RAB7A: variants seen among roughly 807,000 people sequenced by gnomAD.
The protein encoded by RAB7A is ras-related protein Rab-7a.
Under a neutral mutation model 24.5 loss-of-function variants are expected in RAB7A, and 2 were observed. The ratio of observed to expected loss-of-function variants is 0.08; its 90% CI spans 0.03 to 0.26. The LOEUF (loss-of-function observed/expected upper bound fraction) is 0.26. Among genes scored for constraint, RAB7A ranks in the 10% least tolerant of loss-of-function variants. RAB7A has a pLI of 1.00. For missense variants in RAB7A, 118 were observed against 255.7 expected (o/e 0.46, Z 3.67); for synonymous variants, 100 against 95.9 (o/e 1.04, Z -0.25).
intron 1 of RAB7A, chr3:128,785,036 C>G (rs1001916947): frequency 1.3e-5 from 2 of 151,928 alleles, no homozygotes; most frequent in Admixed American, 6.6e-5. Context: ...ACTTCTACCC[C>G]CCAGGTTCTA....
chr3:128,734,381 G>T (rs565331752), intron 1 of RAB7A, among the ~76,000 whole-genome samples: 1 of 148,622 alleles, frequency 6.7e-6, no homozygotes, highest in African/African-American at 2.5e-5. Flanking sequence ...CATGAGAATC[G>T]CTTGAACCTG....
At chr3:128,807,319 G>A (rs924846164) in intron 4 of RAB7A, among the ~76,000 whole-genome samples, 4 of 152,154 alleles carry the variant, frequency 2.6e-5, no homozygotes, top group Non-Finnish European at 4.4e-5. Context: ...GCTGTAGACC[G>A]AGACAGGCTT....
chr3:128,759,812 C>T (rs9831829), intron 1 of RAB7A, among the ~76,000 whole-genome samples: 8,101 of 151,954 alleles, frequency 0.053, 628 homozygotes, highest in African/African-American at 0.17. Flanking sequence ...TGGGTTCTAG[C>T]GACTTCTCCT....
At chr3:128,736,813 T>C (rs2070493876) in intron 1 of RAB7A, among the ~76,000 whole-genome samples, 1 of 152,112 alleles carries the variant, frequency 6.6e-6, no homozygotes. Context: ...TCAAGTGTGA[T>C]CCTACATGTG....
chr3:128,793,400 A>G (rs149428870), intron 1 of RAB7A, among the ~76,000 whole-genome samples: 1,807 of 148,802 alleles, frequency 0.012, 33 homozygotes, highest in African/African-American at 0.04. Flanking sequence ...TGATCCACCC[A>G]CCTCGGGCCT....
At chr3:128,754,999 A>G (rs537581705) in intron 1 of RAB7A, among the ~76,000 whole-genome samples, 5 of 152,336 alleles carry the variant, frequency 3.3e-5, no homozygotes, top group Admixed American at 2.0e-4. Context: ...CTTGAACAAT[A>G]TAAGAAACCA....
At chr3:128,795,751 C>CTTTTTTTGTTTTTTTTTTTT (rs1933555711) in intron 2 of RAB7A, among the ~76,000 whole-genome samples, 1 of 43,032 alleles carries the variant, frequency 2.3e-5, no homozygotes, top group African/African-American at 6.3e-5. Flanking sequence ...AGCAGATGTG[C>CTTTTTTTGTTTTTTTTTTTT]TTTTTTTTTT....
intron 1 of RAB7A, among the ~76,000 whole-genome samples, chr3:128,763,307 T>C (rs910986487): frequency 6.8e-6 from 1 of 146,942 alleles, no homozygotes; most frequent in African/African-American, 2.5e-5. Flanking sequence ...CTCCGCCTCC[T>C]GGGTTCAGGC....
chr3:128,754,434 GA>G (rs1576278102), intron 1 of RAB7A, among the ~76,000 whole-genome samples: 1 of 152,094 alleles, frequency 6.6e-6, no homozygotes, highest in East Asian at 1.9e-4. Context: ...AAAAGGAAAT[GA>G]AAAGGGGATT....
Position 128,763,214 on chromosome 3 carries a change from T to A in RAB7A, c.-8-32146T>A, listed in dbSNP as rs200485042. 6.1e-4 allele frequency among the ~76,000 whole-genome samples: 63 copies of A among 103,646 alleles called. No homozygotes were observed. The South Asian group carries it at 0.01, about 17-fold the overall frequency. The allele number at this position is 103,646 out of a possible 152,430, so 68.0% of individuals were successfully genotyped here. A position where few individuals can be genotyped will look rare whatever the true frequency, so the allele number is the denominator to read the frequency against. On this transcript the variant is annotated intron_variant, in intron 1 of 5. Transcript: ENST00000265062. ...TATATATATATATATATATATTTTTTTTTTTTTTTTTTTTTTTTGAGACGG... is the reference window on the plus strand; with the variant it reads ...TATATATATATATATATATATTTTTATTTTTTTTTTTTTTTTTTGAGACGG...
intron 1 of RAB7A, chr3:128,764,886 G>T: frequency 1.4e-6 from 2 of 1,401,060 alleles, no homozygotes; most frequent in Non-Finnish European, 2.0e-6. Context: ...CCACATCATC[G>T]CGGTCAAAGT....
At chr3:128,807,189 G>A (rs1933822710) in intron 4 of RAB7A, among the ~76,000 whole-genome samples, 1 of 152,156 alleles carries the variant, frequency 6.6e-6, no homozygotes, top group South Asian at 2.1e-4. Context: ...CCAAGCTGCT[G>A]GGCATTTCCT....
chr3:128,731,736 G>C (rs966019607), intron 1 of RAB7A, among the ~76,000 whole-genome samples: 1 of 152,056 alleles, frequency 6.6e-6, no homozygotes, highest in African/African-American at 2.4e-5. Context: ...GGCCGGGGGC[G>C]ATGGCTCACA....
intron 1 of RAB7A, among the ~76,000 whole-genome samples, chr3:128,745,255 C>T (rs2070600808): frequency 6.6e-6 from 1 of 152,106 alleles, no homozygotes; most frequent in Non-Finnish European, 1.5e-5. Context: ...GTATGCACTG[C>T]CCCAATTCTG....
At chr3:128,790,138 A>C (rs1174283711) in intron 1 of RAB7A, among the ~76,000 whole-genome samples, 2 of 152,126 alleles carry the variant, frequency 1.3e-5, no homozygotes, top group African/African-American at 2.4e-5. Flanking sequence ...GATCTGGGAG[A>C]ACATTAAGTA....
chr3:128,751,031 G>A (rs1368630355), intron 1 of RAB7A, among the ~76,000 whole-genome samples: 10 of 152,252 alleles, frequency 6.6e-5, no homozygotes. Flanking sequence ...GTGCACAGAA[G>A]TCAAGAATTG....
intron 5 of RAB7A, 134 bp from the exon 6 acceptor site, chr3:128,813,193 A>C (rs1401515129): frequency 2.4e-6 from 2 of 836,056 alleles, no homozygotes; most frequent in African/African-American, 1.7e-5. Flanking sequence ...CTGTGTGGGC[A>C]GGCTCTGCTT....
At chr3:128,769,852 CTGAT>C (rs1460513135) in intron 1 of RAB7A, among the ~76,000 whole-genome samples, 1 of 152,290 alleles carries the variant, frequency 6.6e-6, no homozygotes, top group East Asian at 1.9e-4. Context: ...TGAAAGATAA[CTGAT>C]TGGTTAACAT....
At chr3:128,791,600 C>T (rs1482639813) in intron 1 of RAB7A, among the ~76,000 whole-genome samples, 1 of 152,206 alleles carries the variant, frequency 6.6e-6, no homozygotes, top group African/African-American at 2.4e-5. Context: ...TGTTTCTGGG[C>T]ATGGTCCTTG....
Sources: allele counts gnomAD v4.1 joint callset (sites outside exome capture counted in the v4.1 genomes callset), GRCh38; gene constraint gnomAD v4.1.1; transcripts MANE v1.5; gene names NCBI Gene and HGNC (gene_info 2026-07-23, HGNC 2026-07-21).